The following TPM1 variants were observed in gnomAD, a reference collection of about 807,000 sequenced individuals.
The protein encoded by TPM1 is tropomyosin 1.
TPM1 carries 24 observed loss-of-function variants against 42.9 expected under a neutral mutation model. The ratio of observed to expected loss-of-function variants is 0.56; its 90% CI spans 0.41 to 0.79. TPM1 has a LOEUF of 0.79. TPM1 is among the 30% of genes least tolerant of loss of function. TPM1 has a pLI of 0.00. For synonymous variants in TPM1, 136 were observed against 130.1 expected, an observed-to-expected ratio of 1.05 and a Z score of -0.31; for missense variants, 158 against 351.8, an observed-to-expected ratio of 0.45 and a Z score of 4.41.
chr15:63,068,829 CA>C (rs2141027053), downstream of TPM1, among the ~76,000 whole-genome samples: 2 of 152,304 alleles, frequency 1.3e-5, no homozygotes, highest in African/African-American at 4.8e-5. Flanking sequence ...ATTAGCACCA[CA>C]CATGAATGCC....
chr15:63,062,184 C>G lies in TPM1; in HGVS notation c.640-31C>G, dbSNP rs769016128. The G allele has an allele frequency of 7.5e-6, 12 of 1,604,436 alleles. No individual in the cohort carries two copies. The South Asian group carries it at 1.2e-4, about 16-fold the overall frequency. ...AGCCATGAGTAGATTGAGCTGCAGC[C>G]TGACATCTGGAATGCTCTTTCTAAT... On this transcript the variant is annotated intron_variant, in intron 6 of 9. Coordinates refer to ENST00000403994, the MANE Select transcript of TPM1 (RefSeq NM_001018005.2).
At position 63,062,075 on chromosome 15, in the gene TPM1, G is replaced by A. The variant is rs929235803; in HGVS notation, c.640-140G>A. 5.2e-6 allele frequency: 4 copies of A among 775,622 alleles called. No individual in the cohort carries two copies. In the Admixed American group the frequency reaches 7.8e-5, roughly 15 times the overall value. The allele number at this position is 775,622 out of a possible 1,614,324, so 48.0% of individuals were successfully genotyped here. ...AAGAAAGCAGAGAATGTATTGCAGT[G>A]TGCCATTTGATATCAGAGGTTCCAT... On this transcript the variant is annotated intron_variant, in intron 6 of 9. Transcript: ENST00000403994.
chr15:63,044,665 A>G, intron 2 of TPM1: 1 of 220,374 alleles, frequency 4.5e-6, no homozygotes, highest in Non-Finnish European at 9.1e-6. Context: ...GGTGGGGCAC[A>G]GAGACACTTT....
At chr15:63,056,096 A>C (rs1251798064) in intron 2 of TPM1, 1 of 152,238 alleles carries the variant, frequency 6.6e-6, no homozygotes, top group Non-Finnish European at 1.5e-5. Flanking sequence ...TTATTCTAAA[A>C]GGGGTTACTG....
chr15:63,069,594 CTCT>C (rs968982836), downstream of TPM1, among the ~76,000 whole-genome samples: 6 of 152,212 alleles, frequency 3.9e-5, no homozygotes, highest in Admixed American at 6.5e-5. Context: ...GGAACATTCA[CTCT>C]TCTTCCTCCT....
At position 63,062,935 on chromosome 15, in the gene TPM1, T is replaced by C. The variant is rs2035849097; in HGVS notation, c.772+290T>C. 4 of 1,444,590 alleles carry C rather than the reference T, an allele frequency of 2.8e-6. No individual in the cohort carries two copies. The South Asian group carries it at 4.5e-5, about 16-fold the overall frequency. The allele number at this position is 1,444,590 out of a possible 1,614,324, so 89.5% of individuals were successfully genotyped here. A position where few individuals can be genotyped will look rare whatever the true frequency, so the allele number is the denominator to read the frequency against. ...TTTTTCACTGTGAGTGAGGTGCTTA[T>C]TGGTGAGAATGACTCTAGTATATTT... On this transcript the variant is annotated intron_variant, in intron 8 of 9. Transcript: ENST00000403994.
intron 9 of TPM1, chr15:63,065,358 C>T (rs1168993926): frequency 2.0e-6 from 2 of 989,426 alleles, no homozygotes; most frequent in Non-Finnish European, 2.4e-6. Flanking sequence ...CCAAGCCCAC[C>T]TGTCATTCAT....
chr15:63,064,069 C>G lies in TPM1; in HGVS notation c.778C>G (p.Leu260Val). Residue 260 changes from leucine (L) to valine (V), a missense_variant, in exon 9 of 10, where the codon CTG becomes GTG. By Grantham distance (32) the Leu-to-Val change is conservative (BLOSUM62 1). This residue lies in a region of TPM1 where 64 missense variants were observed against 95.8 expected (regional missense o/e 0.67). Transcript: ENST00000403994. ...EKSIDDLEDE[L>V]YAQKLKYKAI... ...CTTCCACTTCCTGGTCATAGACGAGCTGTACGCTCAGAAACTGAAGTACAA... is the reference window on the plus strand; with the variant it reads ...CTTCCACTTCCTGGTCATAGACGAGGTGTACGCTCAGAAACTGAAGTACAA... The G allele has an allele frequency of 6.2e-7, 1 of 1,614,036 alleles. No homozygotes were observed. The highest frequency in any genetic ancestry group is 8.5e-7 in the Non-Finnish European group (1 of 1,180,020).
chr15:63,064,136 C>G lies in TPM1; in HGVS notation c.845C>G (p.Thr282Ser), dbSNP rs397516395. ...CTGGACCACGCTCTCAACGATATGA[C>G]TTCCATGTAAACGTTCATCCACTCT... ...EELDHALNDM[T>S]SI The change falls in exon 9 of 10, where the codon ACT becomes AGT. Residue 282 changes from threonine (T) to serine (S), a missense_variant. Thr to Ser is a moderately conservative substitution (Grantham distance 58). Coordinates refer to ENST00000403994, the MANE Select transcript of TPM1 (RefSeq NM_001018005.2). 202 of 1,613,924 alleles carry G rather than the reference C, an allele frequency of 1.3e-4. 2 individuals are homozygous for G. In the South Asian group the frequency reaches 1.6e-3, roughly 13 times the overall value.
chr15:63,057,221 G>T, intron 3 of TPM1, 103 bp downstream of exon 3: 2 of 1,513,438 alleles, frequency 1.3e-6, no homozygotes, highest in South Asian at 2.3e-5. Flanking sequence ...CAGTCCCCTG[G>T]TGGTGGGATC....
intron 2 of TPM1, chr15:63,048,476 A>C (rs1246147114): frequency 2.1e-6 from 3 of 1,403,178 alleles, no homozygotes; most frequent in Admixed American, 3.3e-5. Context: ...GGCGGGGCGG[A>C]CCGGCGCTGG....
chr15:63,069,038 A>T (rs1230945953), downstream of TPM1, among the ~76,000 whole-genome samples: 3 of 152,114 alleles, frequency 2.0e-5, no homozygotes, highest in Non-Finnish European at 4.4e-5. Flanking sequence ...CTGTAGTCCC[A>T]GCTACTAGGG....
chr15:63,068,110 T>C (rs972575854), downstream of TPM1, among the ~76,000 whole-genome samples: 1 of 152,182 alleles, frequency 6.6e-6, no homozygotes, highest in African/African-American at 2.4e-5. Flanking sequence ...ACACTTCCTA[T>C]GTCCATAGTG....
At chr15:63,043,864 G>T in intron 1 of TPM1, 163 bp from the exon 2 acceptor site, 1 of 1,549,596 alleles carries the variant, frequency 6.5e-7, no homozygotes. Context: ...CGTGGCGCAC[G>T]AATGGCTAAC....
chr15:63,056,796 C>T (rs900875881), intron 2 of TPM1, 189 bp from the exon 3 acceptor site: 1 of 718,994 alleles, frequency 1.4e-6, no homozygotes, highest in Non-Finnish European at 2.5e-6. Flanking sequence ...TATGGATGTT[C>T]ACTGTATAAA....
chr15:63,065,674 C>A lies in TPM1; in HGVS notation c.852-222C>A, dbSNP rs529327108. 52 of 979,768 alleles carry A rather than the reference C, an allele frequency of 5.3e-5. No homozygotes were observed. The African/African-American group carries it at 8.0e-4, about 15-fold the overall frequency. The allele number at this position is 979,768 out of a possible 1,614,324, so 60.7% of individuals were successfully genotyped here. A position where few individuals can be genotyped will look rare whatever the true frequency, so the allele number is the denominator to read the frequency against. Reference sequence around the variant, plus strand: ...ATTTTTTTTGTTTTTAAATTCTGTTCATGGGTCTTCTTAAAATGGACCCTT... The same window carrying A: ...ATTTTTTTTGTTTTTAAATTCTGTTAATGGGTCTTCTTAAAATGGACCCTT... On this transcript the variant is annotated intron_variant, in intron 9 of 9. Transcript: ENST00000403994.
intron 4 of TPM1, chr15:63,059,918 C>T (rs1402859106): frequency 5.3e-6 from 2 of 376,156 alleles, no homozygotes; most frequent in East Asian, 6.7e-5. Flanking sequence ...ACCAAAACTC[C>T]TCTCCCCCAG....
chr15:63,071,796 A>G (rs144363303), exon 9 of TPM1: 2 of 156,228 alleles, frequency 1.3e-5, no homozygotes, highest in African/African-American at 4.8e-5. Flanking sequence ...TCAGTCCTTC[A>G]TGTTAAAGAT....
chr15:63,043,577 G>A (rs2031662981), intron 1 of TPM1: 4 of 1,412,762 alleles, frequency 2.8e-6, no homozygotes, highest in Admixed American at 2.0e-5. Flanking sequence ...AGTTACCTCG[G>A]GTCCTTTGCA....
Sources: gnomAD v4.1 joint callset for allele counts (sites outside exome capture counted in the v4.1 genomes callset) on GRCh38, gnomAD v4.1.1 for gene constraint, gnomAD v4.1.1 regional missense constraint, MANE v1.5 for transcripts, NCBI Gene and HGNC (gene_info 2026-07-23, HGNC 2026-07-21) for gene names.